The following SLC45A4 variants were observed in gnomAD, a reference collection of about 807,000 sequenced individuals.
SLC45A4 encodes polyamine-transporter SLC45A4.
Under a neutral mutation model 63.7 loss-of-function variants are expected in SLC45A4, and 32 were observed. The ratio of observed to expected loss-of-function variants is 0.50; its 90% CI spans 0.38 to 0.67. SLC45A4 has a LOEUF of 0.67. Among genes scored for constraint, SLC45A4 ranks in the 30% least tolerant of loss-of-function variants. SLC45A4 has a pLI of 0.00. For missense variants in SLC45A4, 1,027 were observed against 1,157.7 expected (o/e 0.89, Z 1.64); for synonymous variants, 535 against 510.0 (o/e 1.05, Z -0.66).
At chr8:141,250,161 G>A (rs1280119149) in intron 2 of SLC45A4, among the ~76,000 whole-genome samples, 1 of 152,174 alleles carries the variant, frequency 6.6e-6, no homozygotes, top group African/African-American at 2.4e-5. Flanking sequence ...CATATATTGT[G>A]TAGTAAAGTA....
intron 1 of SLC45A4, among the ~76,000 whole-genome samples, chr8:141,290,163 A>G (rs553385300): frequency 3.3e-5 from 5 of 152,300 alleles, no homozygotes; most frequent in African/African-American, 1.2e-4. Flanking sequence ...CATGATCTAC[A>G]TCTACGGTCA....
In SLC45A4 at chr8:141,229,099, C is replaced by A. The variant is rs552081338; in HGVS notation, c.242-7334G>T. On this transcript the variant is annotated intron_variant, in intron 2 of 8. Transcript: ENST00000517878. This position sits in a 1 kb window ranked among gnomAD's most constrained non-coding sequence, Gnocchi z 5.0. ...CTGCCTGAAGTACTTTACCTTCCCC[C>A]CTTACCTGACATTCAATAACTGCTT... Among the ~76,000 whole-genome samples the A allele has an allele frequency of 2.0e-5, 3 of 152,312 alleles. No individual in the cohort carries two copies. Among genetic ancestry groups the A allele is most frequent in the South Asian group, 4.1e-4 (2 of 4,826 alleles).
intron 3 of SLC45A4, among the ~76,000 whole-genome samples, chr8:141,220,991 C>T (rs1826587394): frequency 6.6e-6 from 1 of 152,276 alleles, no homozygotes; most frequent in Admixed American, 6.5e-5. Flanking sequence ...TGAGAAGCGT[C>T]CCGGGGCCTC....
rs775339624 is a variant in SLC45A4 at position 141,215,810 on chromosome 8, G to A, written c.1890C>T (p.Ser630=). 1.2e-6 allele frequency: 2 copies of A among 1,614,100 alleles called. No homozygotes were observed. Among genetic ancestry groups the A allele is most frequent in the Admixed American group, 3.3e-5 (2 of 60,034 alleles). ...GCAGGGCGTACGGGCAGTAGGAGAT[G>A]CTCATGGAGACGATGCCCATGGTGC... The part of the protein sequence containing the change: ...TISTMGIVSM[S]ISYCPYALLG... Residue 630 remains serine, a synonymous_variant, in exon 7 of 9, where the codon AGC becomes AGT. Transcript: ENST00000517878. The surrounding 1 kb of genome is among the most constrained non-coding windows in gnomAD (Gnocchi z 4.3).
chr8:141,297,208 G>A (rs988850713), intron 1 of SLC45A4, among the ~76,000 whole-genome samples: 3 of 152,162 alleles, frequency 2.0e-5, no homozygotes, highest in Admixed American at 2.0e-4. Context: ...CTCCCTGGCT[G>A]CCTTCCCCTC....
intron 1 of SLC45A4, among the ~76,000 whole-genome samples, chr8:141,267,657 T>C (rs1046390771): frequency 1.3e-5 from 2 of 152,178 alleles, no homozygotes; most frequent in Non-Finnish European, 2.9e-5. Flanking sequence ...GGGGAAAAGA[T>C]GGCAAAAAGT....
At chr8:141,251,941 T>G in intron 2 of SLC45A4, among the ~76,000 whole-genome samples, 1 of 148,278 alleles carries the variant, frequency 6.7e-6, no homozygotes, top group African/African-American at 2.5e-5. Flanking sequence ...ATGCTACGAT[T>G]TCACACTGGA....
At chr8:141,234,326 A>G (rs1827510873) in intron 2 of SLC45A4, among the ~76,000 whole-genome samples, 1 of 152,228 alleles carries the variant, frequency 6.6e-6, no homozygotes, top group South Asian at 2.1e-4. Flanking sequence ...TTCTAGAGAC[A>G]GAGGCCACCT....
At chr8:141,248,471 A>G (rs746721188) in intron 2 of SLC45A4, among the ~76,000 whole-genome samples, 27 of 152,114 alleles carry the variant, frequency 1.8e-4, no homozygotes, top group Non-Finnish European at 3.5e-4. Flanking sequence ...CAGGAGGCTG[A>G]GGCGGGAGGA....
At chr8:141,212,038 G>A in intron 8 of SLC45A4, 159 bp downstream of exon 8, 1 of 1,347,526 alleles carries the variant, frequency 7.4e-7, no homozygotes, top group Non-Finnish European at 9.5e-7. Flanking sequence ...CTGAATTGTG[G>A]CTATGGGGGC....
At chr8:141,299,668 G>A (rs187544593) in intron 1 of SLC45A4, among the ~76,000 whole-genome samples, 10 of 152,312 alleles carry the variant, frequency 6.6e-5, no homozygotes, top group Admixed American at 5.9e-4. Context: ...AAAACCACTA[G>A]CAGTTATTCT....
chr8:141,212,043 G>A, intron 8 of SLC45A4, 154 bp downstream of exon 8: 3 of 1,347,608 alleles, frequency 2.2e-6, no homozygotes, highest in South Asian at 4.2e-5. Context: ...TTGTGGCTAT[G>A]GGGGCGGAGG....
intron 7 of SLC45A4, 44 bp from the exon 8 acceptor site, chr8:141,212,600 G>A: frequency 6.5e-7 from 1 of 1,547,632 alleles, no homozygotes; most frequent in Non-Finnish European, 8.7e-7. Context: ...TGGAGAAGGT[G>A]GCTGCTACCC....
At chr8:141,219,465 C>T (rs764105408) in intron 4 of SLC45A4, among the ~76,000 whole-genome samples, 185 bp downstream of exon 4, 11 of 152,180 alleles carry the variant, frequency 7.2e-5, no homozygotes, top group Non-Finnish European at 1.2e-4. Context: ...GCCTTGGCCC[C>T]ACTGTGCTTG....
intron 1 of SLC45A4, among the ~76,000 whole-genome samples, chr8:141,255,166 C>T (rs2154614703): frequency 6.6e-6 from 1 of 152,314 alleles, no homozygotes; most frequent in East Asian, 1.9e-4. Context: ...GACCATGGCT[C>T]TCTGCAGCCT....
At chr8:141,269,931 C>G (rs1829447810) in intron 1 of SLC45A4, among the ~76,000 whole-genome samples, 1 of 152,160 alleles carries the variant, frequency 6.6e-6, no homozygotes, top group Non-Finnish European at 1.5e-5. Context: ...GCAGAGGCAG[C>G]CCAGTGTGCA....
rs58763065 is a variant in SLC45A4 at position 141,265,469 on chromosome 8, C to T, written c.-400-10840G>A. ...ATCAGATACCATAAAACCAGTCCAA[C>T]GCCCAGCAAACTACAGCCGTGAGGT... On this transcript the variant is annotated intron_variant, in intron 1 of 8. Transcript: ENST00000517878. Among the ~76,000 whole-genome samples, 917 of 152,342 alleles carry T rather than the reference C, an allele frequency of 6.0e-3. 13 individuals carry two copies. The highest frequency in any genetic ancestry group is 0.021 in the African/African-American group (873 of 41,562).
At chr8:141,293,206 G>C (rs1830421261) in intron 1 of SLC45A4, among the ~76,000 whole-genome samples, 1 of 152,190 alleles carries the variant, frequency 6.6e-6, no homozygotes, top group Non-Finnish European at 1.5e-5. Flanking sequence ...TGTAATCCCA[G>C]CACTTTGGGA....
At chr8:141,267,801 A>G (rs1235772438) in intron 1 of SLC45A4, among the ~76,000 whole-genome samples, 1 of 152,224 alleles carries the variant, frequency 6.6e-6, no homozygotes, top group East Asian at 1.9e-4. Context: ...AGCTTAGGGC[A>G]CGGACAACAC....
Sources: allele counts gnomAD v4.1 joint callset (sites outside exome capture counted in the v4.1 genomes callset), GRCh38; gene constraint gnomAD v4.1.1; non-coding constraint Gnocchi (gnomAD v3.1); transcripts MANE v1.5; gene names NCBI Gene and HGNC (gene_info 2026-07-23, HGNC 2026-07-21).